Variants in ZFYVE9 observed in about 807,000 individuals in gnomAD.
ZFYVE9 encodes the protein zinc finger FYVE domain-containing protein 9.
Under a neutral mutation model 126.7 loss-of-function variants are expected in ZFYVE9, and 43 were observed. The observed-to-expected ratio is 0.34, with a 90% CI of 0.27 to 0.44. The LOEUF (loss-of-function observed/expected upper bound fraction) is 0.44, where lower values mean the gene tolerates loss of function less well. ZFYVE9 is among the 20% of genes least tolerant of loss of function. The probability of loss-of-function intolerance (pLI) is 1.00; values close to 1 mark genes in which losing one functional copy is unlikely to be tolerated. For missense variants in ZFYVE9, 1,476 were observed against 1,697.0 expected, an observed-to-expected ratio of 0.87 and a Z score of 2.29; for synonymous variants, 521 against 597.4, an observed-to-expected ratio of 0.87 and a Z score of 1.87.
intron 13 of ZFYVE9, among the ~76,000 whole-genome samples, chr1:52,326,839 A>C (rs1646296580): frequency 6.6e-6 from 1 of 152,046 alleles, no homozygotes; most frequent in Non-Finnish European, 1.5e-5. Context: ...ATTGCACTCC[A>C]GCCTGGGCAA....
intron 3 of ZFYVE9, among the ~76,000 whole-genome samples, chr1:52,236,135 T>C (rs1645271441): frequency 6.6e-6 from 1 of 152,164 alleles, no homozygotes; most frequent in Admixed American, 6.5e-5. Context: ...GTGTCTCTTA[T>C]TCTCCCAATG....
At chr1:52,181,252 T>G (rs1018668246) in intron 1 of ZFYVE9, among the ~76,000 whole-genome samples, 2 of 152,158 alleles carry the variant, frequency 1.3e-5, no homozygotes, top group African/African-American at 4.8e-5. Flanking sequence ...CTGACTGGTT[T>G]TCGTATTTTT....
intron 1 of ZFYVE9, among the ~76,000 whole-genome samples, chr1:52,150,591 AC>A (rs1256483424): frequency 6.6e-6 from 1 of 151,858 alleles, no homozygotes; most frequent in Non-Finnish European, 1.5e-5. Flanking sequence ...ACATTGTGAA[AC>A]CCTGTCTCTA....
rs1398425431 is a variant in ZFYVE9 at position 52,331,781 on chromosome 1, T to A, written c.3439-987T>A. Among the ~76,000 whole-genome samples the A allele has an allele frequency of 4.0e-5, 6 of 149,902 alleles. No individual in the cohort carries two copies. In the South Asian group the frequency reaches 6.4e-4, roughly 16 times the overall value. On this transcript the variant is annotated intron_variant, in intron 13 of 18. Transcript: ENST00000287727. ...AAAAAAGGTGTCAAACTCTTTTTTT[T>A]TTTTTTATTTTTTTTTGAGACAGAG... is the stretch of plus-strand genomic sequence containing the variant.
At chr1:52,283,530 A>G (rs1211891883) in intron 10 of ZFYVE9, among the ~76,000 whole-genome samples, 1 of 152,258 alleles carries the variant, frequency 6.6e-6, no homozygotes, top group Admixed American at 6.5e-5. Context: ...AACAGTAAAA[A>G]TGAACTAACT....
rs745920199 is a variant in ZFYVE9, at chr1:52,219,746, CTT to C, written c.-37+3275_-37+3276del. ...CCCATAGAGCATTTCAGGCCAAGAT[CTT>C]TTGTGTGTGTGTGTGTGTGTGTGTG... On this transcript the variant is annotated intron_variant, in intron 2 of 18. Coordinates refer to ENST00000287727, the MANE Select transcript of ZFYVE9 (RefSeq NM_004799.4). Among the ~76,000 whole-genome samples, 505 of 120,454 alleles carry C rather than the reference CTT, an allele frequency of 4.2e-3. 4 individuals carry two copies. Among genetic ancestry groups the C allele is most frequent in the Non-Finnish European group, 1.1e-3 (65 of 57,956 alleles). 79.0% of individuals were successfully genotyped at this position (120,454 alleles called of 152,430 possible).
At chr1:52,151,079 T>TA (rs1158596184) in intron 1 of ZFYVE9, among the ~76,000 whole-genome samples, 1 of 152,024 alleles carries the variant, frequency 6.6e-6, no homozygotes, top group African/African-American at 2.4e-5. Flanking sequence ...GCTCAGTGTT[T>TA]AAAAAGCAAG....
chr1:52,302,837 C>T (rs1044422401), intron 12 of ZFYVE9, among the ~76,000 whole-genome samples: 7 of 151,888 alleles, frequency 4.6e-5, no homozygotes, highest in African/African-American at 1.7e-4. Flanking sequence ...TGGCCAGGTG[C>T]AGTGGCTCAC....
chr1:52,239,131 A>C lies in ZFYVE9; in HGVS notation c.1714A>C (p.Ile572Leu). 1 of 1,614,102 alleles carries C rather than the reference A, an allele frequency of 6.2e-7. No homozygotes were observed. Among genetic ancestry groups the C allele is most frequent in the Non-Finnish European group, 8.5e-7 (1 of 1,179,990 alleles). ...CAAGGTAGTAGCAAGCCTGCCATCT[A>C]TCAGTGTTCCTTTTGGTGGTGCAAG... is the stretch of plus-strand genomic sequence containing the variant. Reference protein sequence around the residue: ...SPKVVASLPSISVPFGGARPK... With the variant: ...SPKVVASLPSLSVPFGGARPK... The change falls in exon 4 of 19, where the codon ATC becomes CTC. Residue 572 changes from isoleucine (I) to leucine (L), a missense_variant. Transcript: ENST00000287727.
intron 2 of ZFYVE9, among the ~76,000 whole-genome samples, chr1:52,217,530 G>A (rs1286353069): frequency 6.6e-6 from 1 of 152,100 alleles, no homozygotes; most frequent in Non-Finnish European, 1.5e-5. Flanking sequence ...AGGGGGAGAG[G>A]TTGGGGAGGT....
chr1:52,262,535 T>C (rs1442076957), intron 4 of ZFYVE9, among the ~76,000 whole-genome samples: 1 of 152,178 alleles, frequency 6.6e-6, no homozygotes, highest in African/African-American at 2.4e-5. Context: ...TTTAAGAATG[T>C]CAAGCCCTAT....
intron 4 of ZFYVE9, among the ~76,000 whole-genome samples, chr1:52,248,372 A>G (rs572050893): frequency 2.2e-4 from 33 of 152,342 alleles, no homozygotes; most frequent in Admixed American, 2.0e-3. Context: ...AAGCAGGCTT[A>G]TCTTTGCTTC....
intron 12 of ZFYVE9, among the ~76,000 whole-genome samples, chr1:52,298,208 C>T (rs1431472341): frequency 6.6e-6 from 1 of 152,022 alleles, no homozygotes; most frequent in Non-Finnish European, 1.5e-5. Flanking sequence ...GGGATCTTAT[C>T]TAAAAATTCA....
chr1:52,150,989 C>CTTT (rs57055558), intron 1 of ZFYVE9, among the ~76,000 whole-genome samples: 1,941 of 127,566 alleles, frequency 0.015, 62 homozygotes, highest in African/African-American at 0.053. Flanking sequence ...TGATAATTGT[C>CTTT]TTTTTTTTTT....
At chr1:52,335,667 G>T (rs1194557078) in intron 15 of ZFYVE9, among the ~76,000 whole-genome samples, 1 of 152,118 alleles carries the variant, frequency 6.6e-6, no homozygotes, top group Non-Finnish European at 1.5e-5. Context: ...CCATACTCTG[G>T]TGTTGGAAAA....
chr1:52,286,885 A>G (rs1249085772), intron 10 of ZFYVE9, among the ~76,000 whole-genome samples: 1 of 152,066 alleles, frequency 6.6e-6, no homozygotes, highest in African/African-American at 2.4e-5. Context: ...TTATTGGTTC[A>G]TTTTGTGTAT....
At chr1:52,236,341 G>C (rs573414168) in intron 3 of ZFYVE9, among the ~76,000 whole-genome samples, 11 of 152,064 alleles carry the variant, frequency 7.2e-5, no homozygotes, top group Non-Finnish European at 1.3e-4. Flanking sequence ...GAAAGAGAAG[G>C]GTAGATAAAC....
chr1:52,196,355 G>C (rs1324689996), intron 1 of ZFYVE9, among the ~76,000 whole-genome samples: 1 of 152,108 alleles, frequency 6.6e-6, no homozygotes, highest in Non-Finnish European at 1.5e-5. Flanking sequence ...ATAAAAATTG[G>C]TAAGTTGGCC....
intron 1 of ZFYVE9, among the ~76,000 whole-genome samples, chr1:52,203,331 G>A (rs910344994): frequency 2.0e-5 from 3 of 151,778 alleles, no homozygotes; most frequent in Non-Finnish European, 4.4e-5. Flanking sequence ...ACAGGCTTGC[G>A]CCACTACCGT....
Sources: allele counts gnomAD v4.1 joint callset (sites outside exome capture counted in the v4.1 genomes callset), GRCh38; gene constraint gnomAD v4.1.1; transcripts MANE v1.5; gene names NCBI Gene and HGNC (gene_info 2026-07-23, HGNC 2026-07-21).